Variants in ATXN1 observed in about 807,000 individuals in gnomAD.
ATXN1 encodes ataxin 1.
ATXN1 carries 8 observed loss-of-function variants against 56.4 expected under a neutral mutation model. The observed-to-expected ratio is 0.14, with a 90% CI of 0.08 to 0.26. ATXN1 has a LOEUF of 0.26. ATXN1 is among the 10% of genes least tolerant of loss of function. The probability of loss-of-function intolerance (pLI) is 1.00; values close to 1 mark genes in which losing one functional copy is unlikely to be tolerated. For synonymous variants in ATXN1, 514 were observed against 494.6 expected, an observed-to-expected ratio of 1.04 and a Z score of -0.52; for missense variants, 987 against 1,106.5, an observed-to-expected ratio of 0.89 and a Z score of 1.53.
chr6:16,412,889 T>C (rs905153190), intron 6 of ATXN1, among the ~76,000 whole-genome samples: 3 of 152,234 alleles, frequency 2.0e-5, no homozygotes, highest in South Asian at 2.1e-4. Context: ...GCTCCTCTCT[T>C]GGCCATGCCG....
chr6:16,439,259 T>C (rs1026493795), intron 6 of ATXN1, among the ~76,000 whole-genome samples: 11 of 147,448 alleles, frequency 7.5e-5, no homozygotes, highest in Non-Finnish European at 1.5e-5. Context: ...AAAAGAAAAA[T>C]GTGATGTCAA....
At chr6:16,714,181 CCACACACACACACACACACACA>C (rs70999343) in intron 2 of ATXN1, among the ~76,000 whole-genome samples, 1 of 137,628 alleles carries the variant, frequency 7.3e-6, no homozygotes, top group African/African-American at 2.7e-5. Context: ...AAACCACACA[CCACACACACACACACACACACA>C]CACACACACA....
chr6:16,399,817 C>T (rs527826610), intron 6 of ATXN1, among the ~76,000 whole-genome samples: 1 of 152,312 alleles, frequency 6.6e-6, no homozygotes, highest in Admixed American at 6.5e-5. Flanking sequence ...ATGATCTGGG[C>T]CCCAAATGTC....
chr6:16,369,088 G>A (rs1032166234), intron 6 of ATXN1, among the ~76,000 whole-genome samples: 2 of 152,060 alleles, frequency 1.3e-5, no homozygotes, highest in African/African-American at 2.4e-5. Context: ...CCTGGTGTTC[G>A]TCCGTGCCCC....
chr6:16,576,942 G>C (rs1762433357), intron 4 of ATXN1, among the ~76,000 whole-genome samples: 1 of 152,084 alleles, frequency 6.6e-6, no homozygotes, highest in Admixed American at 6.5e-5. Flanking sequence ...ACACTTCATG[G>C]AGCCTGTGAT....
chr6:16,703,373 C>A (rs1759331262), intron 2 of ATXN1, among the ~76,000 whole-genome samples: 1 of 152,086 alleles, frequency 6.6e-6, no homozygotes, highest in African/African-American at 2.4e-5. Flanking sequence ...GGAGATATAC[C>A]TAATGTAAAT....
At chr6:16,383,696 T>C (rs1186129991) in intron 6 of ATXN1, among the ~76,000 whole-genome samples, 1 of 152,158 alleles carries the variant, frequency 6.6e-6, no homozygotes, top group East Asian at 1.9e-4. Context: ...TAAGACAGCA[T>C]CTTTTCTGCC....
intron 4 of ATXN1, among the ~76,000 whole-genome samples, chr6:16,542,668 A>C (rs908188211): frequency 1.3e-5 from 2 of 152,222 alleles, no homozygotes; most frequent in African/African-American, 2.4e-5. Flanking sequence ...TGTGTCTGAC[A>C]CATTCAAAAG....
At chr6:16,492,072 C>T (rs1368954030) in intron 5 of ATXN1, among the ~76,000 whole-genome samples, 1 of 152,162 alleles carries the variant, frequency 6.6e-6, no homozygotes, top group Non-Finnish European at 1.5e-5. Flanking sequence ...ACCTCAATTT[C>T]AGTCTTATGA....
chr6:16,393,076 G>A (rs776731816), intron 6 of ATXN1, among the ~76,000 whole-genome samples: 9 of 152,032 alleles, frequency 5.9e-5, no homozygotes, highest in South Asian at 2.1e-4. Flanking sequence ...CATTTTATTC[G>A]AGTAAATTCA....
rs539925157 is a variant in ATXN1 at position 16,584,388 on chromosome 6, C to T, written c.-361+1392G>A. ...CTAATAAAATTTTTTTATTAAATAC[C>T]TTTTTGCTCTTTTTAAGAAATGAAA... On this transcript the variant is annotated intron_variant, in intron 4 of 7. Coordinates refer to ENST00000436367, the MANE Select transcript of ATXN1 (RefSeq NM_001128164.2). Among the ~76,000 whole-genome samples the T allele has an allele frequency of 4.0e-5, 6 of 151,036 alleles. 1 individual carries two copies. The South Asian group carries it at 1.3e-3, about 32-fold the overall frequency.
In ATXN1 at chr6:16,704,137, C is replaced by G. The variant is rs1208291722; in HGVS notation, c.-614-46236G>C. On this transcript the variant is annotated intron_variant, in intron 2 of 7. Transcript: ENST00000436367. ...GAGCAGGCAAAACACGTCATGGAGC[C>G]CACACTGTACGAATGTTTTGGAGGT... is the stretch of plus-strand genomic sequence containing the variant. Among the ~76,000 whole-genome samples, 3 of 152,162 alleles carry G rather than the reference C, an allele frequency of 2.0e-5. No homozygotes were observed. In the East Asian group the frequency reaches 5.8e-4, roughly 29 times the overall value.
intron 6 of ATXN1, among the ~76,000 whole-genome samples, chr6:16,484,947 ATGTGTGTGTGTG>A (rs35749735): frequency 8.2e-4 from 103 of 126,054 alleles, no homozygotes; most frequent in Admixed American, 2.1e-3. Flanking sequence ...CTAAATATAT[ATGTGTGTGTGTG>A]TGTGTGTGTG....
At chr6:16,539,084 T>C (rs577835344) in intron 4 of ATXN1, among the ~76,000 whole-genome samples, 1 of 152,284 alleles carries the variant, frequency 6.6e-6, no homozygotes, top group South Asian at 2.1e-4. Flanking sequence ...CTTCTACCCA[T>C]TCCCATGCAG....
intron 2 of ATXN1, among the ~76,000 whole-genome samples, chr6:16,684,052 C>A (rs1758867950): frequency 6.6e-6 from 1 of 152,170 alleles, no homozygotes; most frequent in African/African-American, 2.4e-5. Context: ...GCCAACAAAT[C>A]CAGCCCATGA....
chr6:16,301,585 A>C lies in ATXN1; in HGVS notation c.*4744T>G, dbSNP rs1040893678. The C allele has an allele frequency of 2.6e-5, 4 of 152,364 alleles. No individual in the cohort carries two copies. Among genetic ancestry groups the C allele is most frequent in the African/African-American group, 9.7e-5 (4 of 41,354 alleles). 9.4% of individuals were successfully genotyped at this position (152,364 alleles called of 1,614,324 possible). ...AACAAATGTGGAAGCAAAGGCCTCC[A>C]CGCCACTTAAAAAAAAAAAAAGTGT... On this transcript the variant is annotated 3_prime_UTR_variant, in exon 8 of 8. Transcript: ENST00000436367.
intron 6 of ATXN1, among the ~76,000 whole-genome samples, chr6:16,367,355 C>CT (rs1043174810): frequency 3.4e-5 from 4 of 116,336 alleles, no homozygotes; most frequent in African/African-American, 1.2e-4. Context: ...CTCTCTCTCT[C>CT]TCTCTCTCAC....
intron 3 of ATXN1, among the ~76,000 whole-genome samples, chr6:16,599,412 T>TA (rs1222527048): frequency 3.0e-4 from 44 of 147,508 alleles, no homozygotes; most frequent in East Asian, 7.9e-4. Context: ...TGTTATTCAT[T>TA]AAAAAAAAAA....
intron 4 of ATXN1, among the ~76,000 whole-genome samples, chr6:16,560,435 TAAAAATAA>T (rs1762095303): frequency 6.6e-6 from 1 of 151,140 alleles, no homozygotes. Context: ...ACCTCAAAAA[TAAAAATAA>T]AAAAATAAAA....
Sources: gnomAD v4.1 joint callset for allele counts (sites outside exome capture counted in the v4.1 genomes callset) on GRCh38, gnomAD v4.1.1 for gene constraint, MANE v1.5 for transcripts, NCBI Gene and HGNC (gene_info 2026-07-23, HGNC 2026-07-21) for gene names.